OPN3: variants seen among roughly 807,000 people sequenced by gnomAD.
The protein encoded by OPN3 is opsin-3.
OPN3 carries 29 observed loss-of-function variants against 33.8 expected under a neutral mutation model. The observed-to-expected ratio is 0.86, with a 90% CI of 0.64 to 1.17. The LOEUF (loss-of-function observed/expected upper bound fraction) is 1.17, where lower values mean the gene tolerates loss of function less well. Ranked by LOEUF, OPN3 falls within the 50% of genes most tolerant of loss-of-function variation. The pLI is 0.00. For synonymous variants in OPN3, 216 were observed against 216.1 expected (o/e 1.00, Z 0.00); for missense variants, 437 against 514.1 (o/e 0.85, Z 1.45).
chr1:241,603,467 G>GT (rs1309575240), intron 2 of OPN3, among the ~76,000 whole-genome samples: 7 of 148,192 alleles, frequency 4.7e-5, no homozygotes, highest in East Asian at 2.0e-4. Context: ...AGACAGATGT[G>GT]TTTTGTTTTT....
chr1:241,620,655 T>A (rs1664249685), intron 1 of OPN3, among the ~76,000 whole-genome samples: 1 of 152,246 alleles, frequency 6.6e-6, no homozygotes, highest in Admixed American at 6.5e-5. Flanking sequence ...GGTATTTTGT[T>A]ATAGCAGCTT....
At chr1:241,622,216 T>C (rs1664286514) in intron 1 of OPN3, among the ~76,000 whole-genome samples, 1 of 152,236 alleles carries the variant, frequency 6.6e-6, no homozygotes, top group Admixed American at 6.5e-5. Context: ...AGTTCATTAA[T>C]ATGCATAAAG....
At chr1:241,605,997 C>T (rs910511083) in intron 1 of OPN3, among the ~76,000 whole-genome samples, 1 of 152,066 alleles carries the variant, frequency 6.6e-6, no homozygotes, top group African/African-American at 2.4e-5. Context: ...CCTTTTCCTC[C>T]TCCTCCTTTT....
intron 1 of OPN3, chr1:241,633,678 G>T: frequency 9.9e-7 from 1 of 1,006,296 alleles, no homozygotes; most frequent in Non-Finnish European, 1.5e-6. Context: ...GACAACATCT[G>T]CATAGCATTC....
In OPN3 at chr1:241,604,567, A is replaced by G; in HGVS notation, c.386T>C (p.Ile129Thr). ...ATAGGCCAGCACGGTTAGGGTGGCA[A>G]TGGAAACAATCCCTGCAAGAAGAGA... ...FSGSLFGIVS[I>T]ATLTVLAYER... The change falls in exon 2 of 4, where the codon ATT (isoleucine) becomes ACT (threonine). Residue 129 changes from isoleucine to threonine, a missense_variant. By Grantham distance (89) the Ile-to-Thr change is moderately conservative (BLOSUM62 -1). Transcript: ENST00000366554. The G allele has an allele frequency of 6.2e-7, 1 of 1,610,454 alleles. No homozygotes were observed. Among genetic ancestry groups the G allele is most frequent in the Admixed American group, 1.7e-5 (1 of 59,820 alleles).
chr1:241,604,709 A>G (rs1663779733), intron 1 of OPN3, 130 bp from the exon 2 acceptor site: 2 of 794,814 alleles, frequency 2.5e-6, no homozygotes, highest in Admixed American at 2.9e-5. Context: ...CAAAGCCAAG[A>G]GTAATAGTGT....
In OPN3 at chr1:241,639,904, G is replaced by A; in HGVS notation, c.351C>T (p.Asp117=). ...WVWDTVGCVW[D]GFSGSLFGIV... is the part of the protein sequence containing the mutation. ...CACCGAAGAGGCTGCCGCTAAACCC[G>A]TCCCACACGCAGCCCACGGTGTCCC... The change falls in exon 1 of 4, where the codon GAC becomes GAT. Residue 117 remains aspartate, a synonymous_variant. Coordinates refer to ENST00000366554, the MANE Select transcript of OPN3 (RefSeq NM_014322.3). 6.3e-7 allele frequency: 1 copy of A among 1,593,104 alleles called. No individual in the cohort carries two copies. Among genetic ancestry groups the A allele is most frequent in the Non-Finnish European group, 8.5e-7 (1 of 1,170,302 alleles).
intron 1 of OPN3, among the ~76,000 whole-genome samples, chr1:241,616,807 T>C (rs936571566): frequency 5.9e-5 from 9 of 152,136 alleles, no homozygotes; most frequent in East Asian, 1.9e-4. Flanking sequence ...GAACTAGCAA[T>C]ACACAGGTCA....
chr1:241,634,258 C>T (rs1664776623), intron 1 of OPN3: 1 of 1,613,884 alleles, frequency 6.2e-7, no homozygotes, highest in Non-Finnish European at 8.5e-7. Flanking sequence ...GATAGGTGTC[C>T]TTCATGCATG....
At chr1:241,633,884 G>A in intron 1 of OPN3, 2 of 1,613,816 alleles carry the variant, frequency 1.2e-6, no homozygotes, top group Non-Finnish European at 1.7e-6. Context: ...ATTGGTTCCA[G>A]GAGCCTCTGG....
chr1:241,616,350 G>C (rs1263332933), intron 1 of OPN3, among the ~76,000 whole-genome samples: 2 of 151,998 alleles, frequency 1.3e-5, no homozygotes, highest in African/African-American at 4.8e-5. Context: ...TAGCATGCTG[G>C]CTATTAAGAA....
chr1:241,638,598 C>T (rs1664992845), intron 1 of OPN3, among the ~76,000 whole-genome samples: 1 of 152,064 alleles, frequency 6.6e-6, no homozygotes, highest in African/African-American at 2.4e-5. Context: ...AGTGTAATCC[C>T]ATAGTCGTCC....
chr1:241,634,978 A>G, intron 1 of OPN3: 1 of 1,613,636 alleles, frequency 6.2e-7, no homozygotes, highest in South Asian at 1.1e-5. Context: ...CAAGAATCCT[A>G]GTGACATTTT....
intron 1 of OPN3, among the ~76,000 whole-genome samples, chr1:241,638,574 CAATT>C (rs1174462919): frequency 1.1e-4 from 16 of 152,234 alleles, no homozygotes; most frequent in South Asian, 1.0e-3. Context: ...AGGTATTTTA[CAATT>C]AATATAAGGA....
At chr1:241,619,781 G>A (rs941409708) in intron 1 of OPN3, among the ~76,000 whole-genome samples, 4 of 152,178 alleles carry the variant, frequency 2.6e-5, no homozygotes, top group African/African-American at 9.7e-5. Context: ...GAAACTTGTG[G>A]CATATTCTAA....
At chr1:241,630,588 T>C (rs1664593221) in intron 1 of OPN3, 1 of 152,064 alleles carries the variant, frequency 6.6e-6, no homozygotes. Flanking sequence ...ATCTTCCTCA[T>C]TTTGTGAATG....
chr1:241,613,088 C>A (rs1003617191), intron 1 of OPN3, among the ~76,000 whole-genome samples: 1 of 152,158 alleles, frequency 6.6e-6, no homozygotes, highest in African/African-American at 2.4e-5. Context: ...TTCTTTTAAG[C>A]AAGTAACCAA....
chr1:241,612,123 A>T (rs1239399181), intron 1 of OPN3, among the ~76,000 whole-genome samples: 1 of 152,200 alleles, frequency 6.6e-6, no homozygotes, highest in Non-Finnish European at 1.5e-5. Context: ...TTGGAAGTGA[A>T]GATGATTAGG....
chr1:241,608,387 AATAAAT>A (rs1412831133), intron 1 of OPN3, among the ~76,000 whole-genome samples: 2 of 152,252 alleles, frequency 1.3e-5, no homozygotes, highest in Admixed American at 6.5e-5. Flanking sequence ...TGTGCTAGAA[AATAAAT>A]ATAAAGAGGT....
Sources: gnomAD v4.1 joint callset for allele counts (sites outside exome capture counted in the v4.1 genomes callset) on GRCh38, gnomAD v4.1.1 for gene constraint, MANE v1.5 for transcripts, NCBI Gene and HGNC (gene_info 2026-07-23, HGNC 2026-07-21) for gene names.